The following SLC25A21 variants were observed in gnomAD, a reference collection of about 807,000 sequenced individuals.
SLC25A21 encodes mitochondrial 2-oxodicarboxylate carrier.
Under a neutral mutation model 43.8 loss-of-function variants are expected in SLC25A21, and 47 were observed. The ratio of observed to expected loss-of-function variants is 1.07; its 90% CI spans 0.85 to 1.37. SLC25A21 has a LOEUF of 1.37. SLC25A21 is among the 40% of genes most tolerant of loss of function. The pLI, the probability that SLC25A21 is intolerant of heterozygous loss-of-function variation, is 0.00. For missense variants in SLC25A21, 352 were observed against 350.2 expected, an observed-to-expected ratio of 1.00 and a Z score of -0.04; for synonymous variants, 131 against 121.3, an observed-to-expected ratio of 1.08 and a Z score of -0.52.
At chr14:36,805,402 A>T (rs1297971145) in intron 3 of SLC25A21, among the ~76,000 whole-genome samples, 2 of 152,170 alleles carry the variant, frequency 1.3e-5, no homozygotes, top group African/African-American at 2.4e-5. Flanking sequence ...GCAGAACAAA[A>T]GACCTCTGAT....
At chr14:36,771,331 A>G (rs182354664) in intron 3 of SLC25A21, among the ~76,000 whole-genome samples, 26 of 152,144 alleles carry the variant, frequency 1.7e-4, no homozygotes, top group African/African-American at 6.0e-4. Flanking sequence ...TATTTTTGCA[A>G]TTGTCATTTT....
rs540260337 is a variant in SLC25A21, at chr14:36,897,327, G to A, written c.71-22323C>T. ...CTGATACCCTTTCTTCCAGTTGATC[G>A]AATCGGCTACTGAGGCTTGTGCATT... On this transcript the variant is annotated intron_variant, in intron 1 of 9. Transcript: ENST00000331299. 3.2e-3 allele frequency among the ~76,000 whole-genome samples: 491 copies of A among 151,986 alleles called. 4 individuals carry two copies. Among genetic ancestry groups the A allele is most frequent in the African/African-American group, 0.011 (458 of 41,438 alleles).
In SLC25A21 at chr14:36,735,561, TG is replaced by T. The variant is rs1296554283; in HGVS notation, c.204-989del. On this transcript the variant is annotated intron_variant, in intron 3 of 9. Coordinates refer to ENST00000331299, the MANE Select transcript of SLC25A21 (RefSeq NM_030631.4). ...AAGCTTCACTCCAGCTCCCTTAAAC[TG>T]GGTCCACTTCTAGCTGTGCTTCTGG... Among the ~76,000 whole-genome samples the T allele has an allele frequency of 9.2e-5, 14 of 151,988 alleles. 1 individual carries two copies. The South Asian group carries it at 2.9e-3, about 32-fold the overall frequency.
In SLC25A21 at chr14:36,893,525, T is replaced by G. The variant is rs1335871910; in HGVS notation, c.71-18521A>C. On this transcript the variant is annotated intron_variant, in intron 1 of 9. Transcript: ENST00000331299. ...TCACTCTGATGGTAGTTTCTTTTGC[T>G]GTGCAGAAGCTCTTTAGTTTAATTA... Among the ~76,000 whole-genome samples, 7 of 152,230 alleles carry G rather than the reference T, an allele frequency of 4.6e-5. 1 individual carries two copies. Among genetic ancestry groups the G allele is most frequent in the Non-Finnish European group, 1.0e-4 (7 of 68,044 alleles).
chr14:36,758,976 G>A (rs1178284873), intron 3 of SLC25A21, among the ~76,000 whole-genome samples: 1 of 152,176 alleles, frequency 6.6e-6, no homozygotes, highest in Non-Finnish European at 1.5e-5. Context: ...AGGGGTTTGA[G>A]CAACAACCCA....
At chr14:36,717,076 G>T (rs925421842) in intron 6 of SLC25A21, among the ~76,000 whole-genome samples, 3 of 152,192 alleles carry the variant, frequency 2.0e-5, no homozygotes, top group African/African-American at 7.2e-5. Flanking sequence ...TGTTTAAAAA[G>T]AGGGGACCCA....
chr14:37,158,002 G>T (rs2138944350), intron 1 of SLC25A21, among the ~76,000 whole-genome samples: 1 of 152,224 alleles, frequency 6.6e-6, no homozygotes, highest in South Asian at 2.1e-4. Context: ...ATAAATTCCT[G>T]TAAACATACA....
At chr14:36,782,261 A>G (rs1439449472) in intron 3 of SLC25A21, among the ~76,000 whole-genome samples, 1 of 152,180 alleles carries the variant, frequency 6.6e-6, no homozygotes, top group East Asian at 1.9e-4. Flanking sequence ...ATACCTGGAT[A>G]TCCACATCTT....
chr14:36,806,427 T>C (rs1364829813), intron 3 of SLC25A21, among the ~76,000 whole-genome samples: 1 of 152,162 alleles, frequency 6.6e-6, no homozygotes, highest in East Asian at 1.9e-4. Flanking sequence ...ATGGATCTGT[T>C]AATTACTTTG....
At chr14:36,711,538 T>C in intron 6 of SLC25A21, 56 bp from the exon 7 acceptor site, 1 of 1,541,222 alleles carries the variant, frequency 6.5e-7, no homozygotes, top group Non-Finnish European at 8.8e-7. Flanking sequence ...TGGAATACAG[T>C]AAATTACCGT....
intron 7 of SLC25A21, among the ~76,000 whole-genome samples, chr14:36,697,829 C>T (rs532194179): frequency 1.3e-5 from 2 of 149,700 alleles, no homozygotes; most frequent in Admixed American, 6.8e-5. Context: ...GATGGGTCTC[C>T]TGAATACAGC....
rs546913913 is a variant in SLC25A21, at chr14:37,003,011, C to A, written c.71-128007G>T. ...GTCATGTGTTCACCAAAAGACATTT[C>A]TAAGAATACAGTAGTCTCCCCTTAT... On this transcript the variant is annotated intron_variant, in intron 1 of 9. Coordinates refer to ENST00000331299, the MANE Select transcript of SLC25A21 (RefSeq NM_030631.4). 4.6e-5 allele frequency among the ~76,000 whole-genome samples: 7 copies of A among 152,290 alleles called. No individual in the cohort carries two copies. The East Asian group carries it at 1.2e-3, about 25-fold the overall frequency.
At chr14:36,877,820 G>T (rs1443023001) in intron 1 of SLC25A21, among the ~76,000 whole-genome samples, 1 of 152,162 alleles carries the variant, frequency 6.6e-6, no homozygotes, top group Non-Finnish European at 1.5e-5. Context: ...GATGAGGCTG[G>T]AAGTGTGCAG....
intron 2 of SLC25A21, chr14:36,828,492 C>T (rs903034100): frequency 1.3e-5 from 2 of 152,224 alleles, no homozygotes; most frequent in African/African-American, 4.8e-5. Flanking sequence ...GGTTCCAAAG[C>T]CCTAGTGGGT....
intron 7 of SLC25A21, among the ~76,000 whole-genome samples, chr14:36,690,538 C>T (rs1256898741): frequency 6.6e-6 from 1 of 152,142 alleles, no homozygotes; most frequent in Non-Finnish European, 1.5e-5. Context: ...CTGATTCATT[C>T]ATTGTGAATC....
Position 37,091,651 on chromosome 14 carries a change from C to T in SLC25A21, c.70+80630G>A, listed in dbSNP as rs11849702. ...GATGCAAATTTTCCATCACTTTGCA[C>T]ACGTCTGTGAATGACTGAGAAAGAA... On this transcript the variant is annotated intron_variant, in intron 1 of 9. Transcript: ENST00000331299. 9.5e-3 allele frequency among the ~76,000 whole-genome samples: 1,451 copies of T among 152,268 alleles called. 19 individuals are homozygous for T. The highest frequency in any genetic ancestry group is 0.033 in the African/African-American group (1,386 of 41,532).
intron 3 of SLC25A21, among the ~76,000 whole-genome samples, chr14:36,739,309 G>A (rs1307587102): frequency 6.6e-6 from 1 of 152,134 alleles, no homozygotes; most frequent in Non-Finnish European, 1.5e-5. Context: ...ATATTTTCTA[G>A]TTGTTTCAGA....
intron 1 of SLC25A21, among the ~76,000 whole-genome samples, chr14:36,879,677 C>T (rs1890653176): frequency 6.6e-6 from 1 of 152,112 alleles, no homozygotes; most frequent in Non-Finnish European, 1.5e-5. Flanking sequence ...AAAAAATTAA[C>T]ACCACCATGT....
intron 1 of SLC25A21, among the ~76,000 whole-genome samples, chr14:36,990,958 A>G (rs1455866456): frequency 6.6e-6 from 1 of 152,130 alleles, no homozygotes; most frequent in East Asian, 1.9e-4. Flanking sequence ...TCATCAGTCA[A>G]CTTGGAGTTC....
Sources: gnomAD v4.1 joint callset for allele counts (sites outside exome capture counted in the v4.1 genomes callset) on GRCh38, gnomAD v4.1.1 for gene constraint, MANE v1.5 for transcripts, NCBI Gene and HGNC (gene_info 2026-07-23, HGNC 2026-07-21) for gene names.